Variants in PIK3R5 observed in about 807,000 individuals in gnomAD.
PIK3R5 encodes phosphoinositide 3-kinase regulatory subunit 5.
A neutral mutation model predicts 94.9 loss-of-function variants in PIK3R5; 32 were observed. The ratio of observed to expected loss-of-function variants is 0.34; its 90% confidence interval spans 0.25 to 0.45. The LOEUF (loss-of-function observed/expected upper bound fraction) is 0.45, where lower values mean the gene tolerates loss of function less well. Among genes scored for constraint, PIK3R5 ranks in the 20% least tolerant of loss-of-function variants. The pLI, the probability that PIK3R5 is intolerant of heterozygous loss-of-function variation, is 1.00. For missense variants in PIK3R5, 853 were observed against 1,144.6 expected (o/e 0.75, Z 3.68); for synonymous variants, 443 against 479.4 (o/e 0.92, Z 0.99).
Position 8,881,095 on chromosome 17 carries a change from A to C in PIK3R5, c.2383-78T>G. On this transcript the variant is annotated intron_variant, in intron 17 of 18. Transcript: ENST00000447110. This position sits in a 1 kb window ranked among gnomAD's most constrained non-coding sequence, Gnocchi z 4.8. Reference sequence around the variant, plus strand: ...GCCCCTGGCAGTTCCTTTTCTCAGAACTGCCCATCCACTTCTAGGGGTGTG... The same window carrying C: ...GCCCCTGGCAGTTCCTTTTCTCAGACCTGCCCATCCACTTCTAGGGGTGTG... The C allele has an allele frequency of 9.4e-7, 1 of 1,059,120 alleles. No homozygotes were observed. Among genetic ancestry groups the C allele is most frequent in the Non-Finnish European group, 1.5e-6 (1 of 676,988 alleles). 65.6% of individuals were successfully genotyped at this position (1,059,120 alleles called of 1,614,324 possible).
chr17:8,964,392 A>AT (rs2091626567), intron 1 of PIK3R5, among the ~76,000 whole-genome samples: 1 of 151,748 alleles, frequency 6.6e-6, no homozygotes, highest in East Asian at 1.9e-4. Flanking sequence ...CCCTGTCTCA[A>AT]TAATAATAAT....
intron 5 of PIK3R5, among the ~76,000 whole-genome samples, chr17:8,895,328 G>A (rs1455459904): frequency 2.6e-5 from 4 of 151,920 alleles, no homozygotes; most frequent in Non-Finnish European, 4.4e-5. Flanking sequence ...CCCACACCCC[G>A]CTGACCCCAT....
In PIK3R5 at chr17:8,920,880, T is replaced by C. The variant is rs1221023988; in HGVS notation, c.-13-9373A>G. On this transcript the variant is annotated intron_variant, in intron 1 of 18. Coordinates refer to ENST00000447110, the MANE Select transcript of PIK3R5 (RefSeq NM_001142633.3). Reference sequence around the variant, plus strand: ...TTTTGAGATGGAGTTTCGCTCTAGTTGCCCAGGCTGGAGTGCAATGGCGCA... The same window carrying C: ...TTTTGAGATGGAGTTTCGCTCTAGTCGCCCAGGCTGGAGTGCAATGGCGCA... Among the ~76,000 whole-genome samples the C allele has an allele frequency of 2.0e-5, 3 of 150,958 alleles. No individual in the cohort carries two copies. The East Asian group carries it at 5.8e-4, about 29-fold the overall frequency.
At chr17:8,959,436 T>C (rs1452709873) in intron 1 of PIK3R5, among the ~76,000 whole-genome samples, 1 of 152,220 alleles carries the variant, frequency 6.6e-6, no homozygotes, top group African/African-American at 2.4e-5. Flanking sequence ...TGTGTGTGTG[T>C]GTGTGCACAT....
chr17:8,891,296 C>A (rs569910951), intron 6 of PIK3R5, among the ~76,000 whole-genome samples: 2 of 152,172 alleles, frequency 1.3e-5, no homozygotes, highest in Non-Finnish European at 2.9e-5. Context: ...GCCAAGCGAT[C>A]AGTTTTCAGG....
chr17:8,943,736 G>A (rs902126938), intron 1 of PIK3R5, among the ~76,000 whole-genome samples: 6 of 152,106 alleles, frequency 3.9e-5, no homozygotes, highest in South Asian at 2.1e-4. Flanking sequence ...TTGTGCCACT[G>A]CACTCCAGCC....
chr17:8,960,510 G>T (rs1045180716), intron 1 of PIK3R5, among the ~76,000 whole-genome samples: 5 of 152,262 alleles, frequency 3.3e-5, no homozygotes, highest in Admixed American at 3.3e-4. Context: ...CACATGCCTG[G>T]CTCACAGAAG....
At chr17:8,891,465 C>G (rs2090021281) in intron 6 of PIK3R5, among the ~76,000 whole-genome samples, 1 of 152,170 alleles carries the variant, frequency 6.6e-6, no homozygotes, top group African/African-American at 2.4e-5. Context: ...CTAATCAGCC[C>G]AAAGCCATGA....
In PIK3R5 at chr17:8,889,178, C is replaced by T. The variant is rs776266309; in HGVS notation, c.856G>A (p.Ala286Thr). The T allele has an allele frequency of 8.7e-6, 14 of 1,614,018 alleles. No individual in the cohort carries two copies. The highest frequency in any genetic ancestry group is 2.2e-5 in the East Asian group (1 of 44,878). Residue 286 changes from alanine to threonine, a missense_variant, in exon 9 of 19, where the codon GCC (alanine) becomes ACC (threonine). Around this residue, in one of 6 missense-constraint regions of PIK3R5, gnomAD observed 161 missense variants for 249.5 expected, o/e 0.65. Coordinates refer to ENST00000447110, the MANE Select transcript of PIK3R5 (RefSeq NM_001142633.3). The surrounding 1 kb of genome is among the most constrained non-coding windows in gnomAD (Gnocchi z 4.1). ...CTCCAGCTGTAGGTGTAGCACCTGG[C>T]GACAGGGATGGGGATGGTGTGGAGC... ...GKLHTIPIPVARCYTYSWSQD... is the reference protein window; with the variant it reads ...GKLHTIPIPVTRCYTYSWSQD...
intron 1 of PIK3R5, among the ~76,000 whole-genome samples, chr17:8,956,792 G>C (rs1375712039): frequency 1.3e-5 from 2 of 152,186 alleles, no homozygotes; most frequent in Non-Finnish European, 2.9e-5. Context: ...GGTGAGATAG[G>C]TTGGCCCCAA....
At chr17:8,924,679 T>G (rs956577059) in intron 1 of PIK3R5, among the ~76,000 whole-genome samples, 7 of 152,150 alleles carry the variant, frequency 4.6e-5, no homozygotes, top group African/African-American at 1.2e-4. Flanking sequence ...TTTACTCTCT[T>G]TGAACTCCTG....
At position 8,905,653 on chromosome 17, in the gene PIK3R5, G is replaced by A. The variant is rs748824595; in HGVS notation, c.273+16C>T. 2 of 1,580,690 alleles carry A rather than the reference G, an allele frequency of 1.3e-6. No individual in the cohort carries two copies. The highest frequency in any genetic ancestry group is 3.6e-5 in the Admixed American group (2 of 55,358). ...CTCCTCCCTCACCTCCAGCATCCTGGCCCACGTGGACTTACACAAAGAACA... is the reference window on the plus strand; with the variant it reads ...CTCCTCCCTCACCTCCAGCATCCTGACCCACGTGGACTTACACAAAGAACA... On this transcript the variant is annotated intron_variant, in intron 4 of 18. Coordinates refer to ENST00000447110, the MANE Select transcript of PIK3R5 (RefSeq NM_001142633.3).
At chr17:8,937,302 G>T (rs926166558) in intron 1 of PIK3R5, among the ~76,000 whole-genome samples, 3 of 152,208 alleles carry the variant, frequency 2.0e-5, no homozygotes, top group African/African-American at 7.2e-5. Context: ...TGAGTGGTAA[G>T]TGAAGACATC....
intron 3 of PIK3R5, among the ~76,000 whole-genome samples, chr17:8,906,169 C>T (rs940969977): frequency 2.6e-5 from 4 of 152,122 alleles, no homozygotes; most frequent in Non-Finnish European, 4.4e-5. Flanking sequence ...CCCCCATCCC[C>T]GACAGGCCCC....
At chr17:8,948,038 G>A (rs539265456) in intron 1 of PIK3R5, among the ~76,000 whole-genome samples, 20 of 76,630 alleles carry the variant, frequency 2.6e-4, no homozygotes, top group East Asian at 6.9e-4. Flanking sequence ...GCGAGACTCC[G>A]TCTTAAAAAA....
In PIK3R5 at chr17:8,887,146, C is replaced by T. The variant is rs2089881532; in HGVS notation, c.1855G>A (p.Glu619Lys). Residue 619 changes from glutamate (E) to lysine (K), a missense_variant, in exon 12 of 19, where the codon GAG becomes AAG. Transcript: ENST00000447110. ...HYLGMLDPWY[E>K]RNVLGLMHLP... ...TGCATGAGGCCCAGTACATTGCGCT[C>T]ATACCAGGGGTCCAGCATGCCGAGG... The T allele has an allele frequency of 2.5e-6, 4 of 1,614,040 alleles. No homozygotes were observed. The East Asian group carries it at 6.7e-5, about 27-fold the overall frequency.
At chr17:8,907,311 G>T (rs886896443) in intron 3 of PIK3R5, among the ~76,000 whole-genome samples, 1 of 152,006 alleles carries the variant, frequency 6.6e-6, no homozygotes, top group South Asian at 2.1e-4. Flanking sequence ...GATTACAGGC[G>T]TGAGCCACCA....
chr17:8,911,160 G>A lies in PIK3R5; in HGVS notation c.103+232C>T, dbSNP rs142764360. Among the ~76,000 whole-genome samples, 1 of 152,354 alleles carries A rather than the reference G, an allele frequency of 6.6e-6. No homozygotes were observed. The highest frequency in any genetic ancestry group is 1.5e-5 in the Non-Finnish European group (1 of 68,040). On this transcript the variant is annotated intron_variant, in intron 2 of 18. Transcript: ENST00000447110. The surrounding 1 kb of genome is among the most constrained non-coding windows in gnomAD (Gnocchi z 5.3). ...CCAGAAGTAAAAGGCAGCCAGCCCT[G>A]AGTAGGATGAGGAAGATGCCGTGGG...
At chr17:8,953,344 C>A (rs1260337025) in intron 1 of PIK3R5, among the ~76,000 whole-genome samples, 1 of 152,170 alleles carries the variant, frequency 6.6e-6, no homozygotes, top group African/African-American at 2.4e-5. Context: ...TCAACTCCAC[C>A]CATCATCTCC....
Sources: gnomAD v4.1 joint callset for allele counts (sites outside exome capture counted in the v4.1 genomes callset) on GRCh38, gnomAD v4.1.1 for gene constraint, gnomAD v4.1.1 regional missense constraint, Gnocchi (gnomAD v3.1) non-coding constraint, MANE v1.5 for transcripts, NCBI Gene and HGNC (gene_info 2026-07-23, HGNC 2026-07-21) for gene names.